TMTC2: variants seen among roughly 807,000 people sequenced by gnomAD.
TMTC2 encodes protein O-mannosyl-transferase TMTC2.
A neutral mutation model predicts 82.4 loss-of-function variants in TMTC2; 43 were observed. That is an observed-to-expected ratio of 0.52 (90% confidence interval 0.41 to 0.67). The LOEUF (loss-of-function observed/expected upper bound fraction) is 0.67. TMTC2 is among the 30% of genes least tolerant of loss of function. The probability of loss-of-function intolerance (pLI) is 0.00; values close to 1 mark genes in which losing one functional copy is unlikely to be tolerated. For missense variants in TMTC2, 919 were observed against 1,012.4 expected, an observed-to-expected ratio of 0.91 and a Z score of 1.25; for synonymous variants, 408 against 381.9, an observed-to-expected ratio of 1.07 and a Z score of -0.80.
chr12:82,784,262 T>C (rs539785044), intron 1 of TMTC2, among the ~76,000 whole-genome samples: 1 of 152,242 alleles, frequency 6.6e-6, no homozygotes, highest in South Asian at 2.1e-4. Context: ...GTTAATTATT[T>C]TGTGCAACTC....
intron 2 of TMTC2, among the ~76,000 whole-genome samples, chr12:82,865,507 A>G (rs1238252462): frequency 6.6e-6 from 1 of 152,218 alleles, no homozygotes; most frequent in Non-Finnish European, 1.5e-5. Flanking sequence ...CCAAATTCAT[A>G]AAGCAAGTCC....
chr12:82,689,519 CTTG>C (rs1347732505), intron 1 of TMTC2, among the ~76,000 whole-genome samples: 1 of 152,150 alleles, frequency 6.6e-6, no homozygotes, highest in Non-Finnish European at 1.5e-5. Flanking sequence ...ATTGTATGCC[CTTG>C]TTCATTGCTG....
chr12:82,781,187 G>A (rs151210117), intron 1 of TMTC2, among the ~76,000 whole-genome samples: 60 of 152,072 alleles, frequency 3.9e-4, no homozygotes, highest in Non-Finnish European at 7.5e-4. Context: ...CGAGAGTATC[G>A]TTGATGAGTA....
At chr12:82,988,881 G>A (rs562419910) in intron 8 of TMTC2, among the ~76,000 whole-genome samples, 1 of 145,432 alleles carries the variant, frequency 6.9e-6, no homozygotes, top group East Asian at 2.0e-4. Context: ...TGTGCCTTAG[G>A]AATTCGATTC....
intron 4 of TMTC2, 38 bp from the exon 5 acceptor site, chr12:82,964,986 T>G: frequency 6.7e-7 from 1 of 1,482,140 alleles, no homozygotes; most frequent in Non-Finnish European, 9.3e-7. Context: ...TATATAATAA[T>G]ACAGTCCTTT....
At chr12:82,758,411 AC>A (rs1475356823) in intron 1 of TMTC2, 1 of 152,134 alleles carries the variant, frequency 6.6e-6, no homozygotes. Context: ...AATATGACTC[AC>A]AATATCAAAA....
At chr12:82,818,166 T>G (rs749449808) in intron 1 of TMTC2, among the ~76,000 whole-genome samples, 2 of 152,142 alleles carry the variant, frequency 1.3e-5, no homozygotes, top group Non-Finnish European at 2.9e-5. Context: ...CTATTTTTAT[T>G]TCTTATTGCA....
intron 2 of TMTC2, among the ~76,000 whole-genome samples, chr12:82,859,050 G>A (rs1028128809): frequency 2.0e-5 from 3 of 151,404 alleles, no homozygotes; most frequent in Non-Finnish European, 4.4e-5. Context: ...TGCATTAGTC[G>A]CCTGTGAAAT....
rs778446184 is a variant in TMTC2 at position 82,896,078 on chromosome 12, T to C, written c.915T>C (p.Val305=). The change falls in exon 3 of 12, where the codon GTT becomes GTC. Residue 305 remains valine, a synonymous_variant. Transcript: ENST00000321196. The part of the protein sequence containing the change: ...SMDAVPLLKT[V]CDWRNLHTVA... ...ATGCTGTGCCTCTGCTCAAAACAGT[T>C]TGTGACTGGAGAAACCTACACACTG... is the stretch of plus-strand genomic sequence containing the variant. The C allele has an allele frequency of 3.1e-6, 5 of 1,614,010 alleles. No individual in the cohort carries two copies. In the East Asian group the frequency reaches 8.9e-5, roughly 29 times the overall value.
intron 7 of TMTC2, among the ~76,000 whole-genome samples, chr12:82,980,656 T>C (rs1565837703): frequency 1.3e-5 from 2 of 151,708 alleles, no homozygotes; most frequent in East Asian, 1.9e-4. Context: ...AATAGGCTTT[T>C]CCCCCCATGA....
chr12:82,931,512 A>G (rs558795993), intron 4 of TMTC2, among the ~76,000 whole-genome samples: 1 of 152,138 alleles, frequency 6.6e-6, no homozygotes, highest in Non-Finnish European at 1.5e-5. Context: ...TTTGTCTCTT[A>G]TATTTATGAG....
At chr12:83,041,050 TC>T (rs1881876278) in intron 9 of TMTC2, among the ~76,000 whole-genome samples, 1 of 151,842 alleles carries the variant, frequency 6.6e-6, no homozygotes, top group Non-Finnish European at 1.5e-5. Flanking sequence ...GTTTTCAACT[TC>T]CCTTTTCTCA....
At chr12:82,949,101 G>A (rs1877202013) in intron 4 of TMTC2, among the ~76,000 whole-genome samples, 1 of 152,172 alleles carries the variant, frequency 6.6e-6, no homozygotes, top group African/African-American at 2.4e-5. Context: ...GAGCAAGAAA[G>A]GTTTTGGCCT....
chr12:83,038,046 C>G lies in TMTC2; in HGVS notation c.2152+7167C>G, dbSNP rs146792692. ...GCAAACTATCGCAAGGACAAAAAAC[C>G]AAACACCACATGTTCTCACTCATAG... On this transcript the variant is annotated intron_variant, in intron 9 of 11. Transcript: ENST00000321196. Among the ~76,000 whole-genome samples the G allele has an allele frequency of 9.6e-3, 1,409 of 146,988 alleles. 11 individuals are homozygous for G. Among genetic ancestry groups the G allele is most frequent in the Non-Finnish European group, 0.015 (984 of 67,362 alleles).
chr12:82,752,476 A>T (rs1876066609), intron 1 of TMTC2, among the ~76,000 whole-genome samples: 2 of 152,030 alleles, frequency 1.3e-5, no homozygotes, highest in Non-Finnish European at 2.9e-5. Flanking sequence ...ACAGAGCGAG[A>T]CTCCATCTCA....
chr12:82,876,127 GTAATGGTGGTGGTGGTGGTGGTGGTGGTA>G (rs1872546660), intron 2 of TMTC2, among the ~76,000 whole-genome samples: 1 of 128,378 alleles, frequency 7.8e-6, no homozygotes, highest in Non-Finnish European at 1.7e-5. Flanking sequence ...GGTGGTATTA[GTAATGGTGGTGGTGGTGGTGGTGGTGGTA>G]GTGGTGGTAG....
chr12:82,842,613 G>A (rs1870402329), intron 1 of TMTC2, among the ~76,000 whole-genome samples: 1 of 151,994 alleles, frequency 6.6e-6, no homozygotes, highest in Admixed American at 6.6e-5. Context: ...ATTTTTCTAG[G>A]GCTGCCGTAA....
intron 1 of TMTC2, among the ~76,000 whole-genome samples, chr12:82,735,467 TC>T (rs1466983967): frequency 2.0e-5 from 3 of 151,558 alleles, no homozygotes; most frequent in Non-Finnish European, 1.5e-5. Flanking sequence ...TGTCTCAGCC[TC>T]CCAAGTAGCT....
chr12:82,887,450 T>C (rs1009463510), intron 2 of TMTC2, among the ~76,000 whole-genome samples: 1 of 152,206 alleles, frequency 6.6e-6, no homozygotes, highest in Non-Finnish European at 1.5e-5. Flanking sequence ...CTAACTAATA[T>C]GGCAGAGTCT....
Sources: allele counts gnomAD v4.1 joint callset (sites outside exome capture counted in the v4.1 genomes callset), GRCh38; gene constraint gnomAD v4.1.1; transcripts MANE v1.5; gene names NCBI Gene and HGNC (gene_info 2026-07-23, HGNC 2026-07-21).